Variants in PPP2R2C observed in about 807,000 individuals in gnomAD.
PPP2R2C encodes protein phosphatase 2, regulatory subunit B, gamma.
Under a neutral mutation model 45.3 loss-of-function variants are expected in PPP2R2C, and 10 were observed. That is an observed-to-expected ratio of 0.22 (90% CI 0.14 to 0.37). PPP2R2C has a LOEUF of 0.37. Ranked by LOEUF, PPP2R2C falls within the 10% of genes least tolerant of loss-of-function variation. PPP2R2C has a pLI of 1.00. For missense variants in PPP2R2C, 308 were observed against 619.7 expected (o/e 0.50, Z 5.34); for synonymous variants, 257 against 245.4 (o/e 1.05, Z -0.44).
Position 6,329,485 on chromosome 4 carries a change from C to T in PPP2R2C, c.961-132G>A, listed in dbSNP as rs900283405. On this transcript the variant is annotated intron_variant, in intron 7 of 8. Coordinates refer to ENST00000382599, the MANE Select transcript of PPP2R2C (RefSeq NM_020416.4). This position sits in a 1 kb window ranked among gnomAD's most constrained non-coding sequence, Gnocchi z 5.8. Reference sequence around the variant, plus strand: ...CCCAGCGCAGACCTGCTCATCTCAGCGAGGGTCTGAATGCTCTGACACAGC... The same window carrying T: ...CCCAGCGCAGACCTGCTCATCTCAGTGAGGGTCTGAATGCTCTGACACAGC... The T allele has an allele frequency of 8.0e-6, 6 of 752,952 alleles. No individual in the cohort carries two copies. The highest frequency in any genetic ancestry group is 2.8e-4 in the Middle Eastern group (1 of 3,632). The allele number at this position is 752,952 out of a possible 1,614,324, so 46.6% of individuals were successfully genotyped here. A position where few individuals can be genotyped will look rare whatever the true frequency, so the allele number is the denominator to read the frequency against.
intron 2 of PPP2R2C, among the ~76,000 whole-genome samples, chr4:6,479,174 G>T (rs1372332749): frequency 1.3e-5 from 2 of 152,152 alleles, no homozygotes; most frequent in Non-Finnish European, 2.9e-5. Context: ...ATGTACCCAG[G>T]TCTGTGATTC....
At position 6,323,311 on chromosome 4, in the gene PPP2R2C, G is replaced by A. The variant is rs1224173501; in HGVS notation, c.1335C>T (p.Asp445=). 4 of 1,600,866 alleles carry A rather than the reference G, an allele frequency of 2.5e-6. No homozygotes were observed. The highest frequency in any genetic ancestry group is 1.7e-4 in the Middle Eastern group (1 of 6,046). The change falls in exon 9 of 9, where the codon GAC becomes GAT. Residue 445 remains aspartate (D), a synonymous_variant. Transcript: ENST00000382599. ...LYIFQDKVNS[D]MH is the part of the protein sequence containing the mutation. ...CGGGAACTGCACATACCTAGTGCAT[G>A]TCAGAGTTTACCTTGTCCTGGAAGA...
chr4:6,451,231 G>C (rs1242936167), intron 1 of PPP2R2C, among the ~76,000 whole-genome samples: 1 of 152,106 alleles, frequency 6.6e-6, no homozygotes, highest in African/African-American at 2.4e-5. Flanking sequence ...TCCCAGCAAA[G>C]TGCCTGACAC....
intron 2 of PPP2R2C, among the ~76,000 whole-genome samples, chr4:6,519,261 G>A (rs1042419588): frequency 1.3e-5 from 2 of 152,126 alleles, no homozygotes; most frequent in African/African-American, 4.8e-5. Flanking sequence ...GCCTAGTGCT[G>A]GAGTCATATG....
intron 1 of PPP2R2C, among the ~76,000 whole-genome samples, chr4:6,448,606 C>A (rs1002709804): frequency 6.6e-6 from 1 of 151,994 alleles, no homozygotes; most frequent in African/African-American, 2.4e-5. Flanking sequence ...GCTGTTTCCT[C>A]ACTCCCACTG....
intron 1 of PPP2R2C, among the ~76,000 whole-genome samples, chr4:6,461,330 G>A (rs1396745524): frequency 6.6e-6 from 1 of 152,164 alleles, no homozygotes; most frequent in Non-Finnish European, 1.5e-5. Flanking sequence ...GGGTCATGTG[G>A]CAAAGATGGC....
chr4:6,563,252 G>T lies in PPP2R2C; in HGVS notation c.-59+308C>A, dbSNP rs1725642354. 6.6e-6 allele frequency among the ~76,000 whole-genome samples: 1 copy of T among 152,210 alleles called. No homozygotes were observed. Among genetic ancestry groups the T allele is most frequent in the Admixed American group, 6.5e-5 (1 of 15,286 alleles). On this transcript the variant is annotated intron_variant, in intron 1 of 9. Coordinates refer to the PPP2R2C transcript ENST00000506140. This position sits in a 1 kb window ranked among gnomAD's most constrained non-coding sequence, Gnocchi z 5.8. ...CTCGCGCGGCGAGCAAGTGCTGGAG[G>T]CAGGGTTCCAAGCCGGTTCTGTCGG...
At chr4:6,357,831 G>A (rs979345441) in intron 5 of PPP2R2C, among the ~76,000 whole-genome samples, 20 of 152,216 alleles carry the variant, frequency 1.3e-4, no homozygotes, top group Non-Finnish European at 2.6e-4. Context: ...TTCCACCCAA[G>A]AGTGAAGTCT....
intron 2 of PPP2R2C, among the ~76,000 whole-genome samples, chr4:6,513,877 T>C: frequency 6.6e-6 from 1 of 152,180 alleles, no homozygotes; most frequent in East Asian, 1.9e-4. Flanking sequence ...CACCACCCAC[T>C]CTCTCCTTGA....
At chr4:6,430,226 C>T (rs930752482) in intron 1 of PPP2R2C, among the ~76,000 whole-genome samples, 2 of 152,206 alleles carry the variant, frequency 1.3e-5, no homozygotes, top group African/African-American at 4.8e-5. Context: ...CATACCTGCA[C>T]CTGCACTGTC....
At position 6,323,182 on chromosome 4, in the gene PPP2R2C, C is replaced by A; in HGVS notation, c.*120G>T. The A allele has an allele frequency of 8.1e-7, 1 of 1,229,934 alleles. No individual in the cohort carries two copies. The highest frequency in any genetic ancestry group is 1.1e-6 in the Non-Finnish European group (1 of 914,944). The allele number at this position is 1,229,934 out of a possible 1,614,324, so 76.2% of individuals were successfully genotyped here. On this transcript the variant is annotated 3_prime_UTR_variant, in exon 9 of 9. Transcript: ENST00000382599. ...ACTTCCTGTGTCCACACACTGCCAC[C>A]TCTGCAGCTGTCCTCATCAGTGCTG...
chr4:6,354,195 G>A (rs1712920883), intron 5 of PPP2R2C, among the ~76,000 whole-genome samples: 1 of 151,508 alleles, frequency 6.6e-6, no homozygotes. Context: ...ACAGCTGCGG[G>A]ACTCCCCACC....
chr4:6,337,138 A>G lies in PPP2R2C; in HGVS notation c.791-3407T>C, dbSNP rs868844842. On this transcript the variant is annotated intron_variant, in intron 6 of 8. Transcript: ENST00000382599. ...TATATATATATATATATATATATAT[A>G]TATATATATATATATATATATATTT... is the stretch of plus-strand genomic sequence containing the variant. Among the ~76,000 whole-genome samples the G allele has an allele frequency of 8.7e-3, 658 of 75,242 alleles. 48 individuals are homozygous for G. The highest frequency in any genetic ancestry group is 0.024 in the African/African-American group (464 of 19,508). 49.4% of individuals were successfully genotyped at this position (75,242 alleles called of 152,430 possible). A position where few individuals can be genotyped will look rare whatever the true frequency, so the allele number is the denominator to read the frequency against.
At chr4:6,531,874 C>T (rs908658522) in intron 2 of PPP2R2C, among the ~76,000 whole-genome samples, 3 of 152,250 alleles carry the variant, frequency 2.0e-5, no homozygotes, top group Non-Finnish European at 2.9e-5. Flanking sequence ...GGCCCAGGTC[C>T]GGAGCAGGTG....
chr4:6,430,055 C>G (rs771487188), intron 1 of PPP2R2C, among the ~76,000 whole-genome samples: 1 of 152,222 alleles, frequency 6.6e-6, no homozygotes, highest in Non-Finnish European at 1.5e-5. Context: ...TGAAGCCTCA[C>G]TAGTCCCCAC....
intron 2 of PPP2R2C, among the ~76,000 whole-genome samples, chr4:6,517,746 C>T (rs973334070): frequency 1.3e-5 from 2 of 152,166 alleles, no homozygotes; most frequent in African/African-American, 2.4e-5. Context: ...TGGAGGCCCA[C>T]CTTGGAGCCC....
intron 2 of PPP2R2C, chr4:6,380,085 T>G (rs962138937): frequency 2.6e-5 from 4 of 152,556 alleles, no homozygotes; most frequent in African/African-American, 9.7e-5. Flanking sequence ...CCAGGCACAG[T>G]CCGTGTTTGC....
chr4:6,463,013 G>A (rs912469991), intron 1 of PPP2R2C, among the ~76,000 whole-genome samples: 2 of 152,200 alleles, frequency 1.3e-5, no homozygotes, highest in African/African-American at 4.8e-5. Context: ...GAGGGAGGGG[G>A]GAAGGTGCAC....
At chr4:6,515,045 T>G (rs976675463) in intron 2 of PPP2R2C, among the ~76,000 whole-genome samples, 1 of 151,990 alleles carries the variant, frequency 6.6e-6, no homozygotes, top group Non-Finnish European at 1.5e-5. Flanking sequence ...CCTGATTACA[T>G]CTGCAAAGAC....
Sources: gnomAD v4.1 joint callset for allele counts (sites outside exome capture counted in the v4.1 genomes callset) on GRCh38, gnomAD v4.1.1 for gene constraint, Gnocchi (gnomAD v3.1) non-coding constraint, MANE v1.5 for transcripts, NCBI Gene and HGNC (gene_info 2026-07-23, HGNC 2026-07-21) for gene names.